EEF1G: variants seen among roughly 807,000 people sequenced by gnomAD.
EEF1G encodes elongation factor 1-gamma.
In EEF1G, 14 loss-of-function variants were observed where a neutral mutation model predicts 58.3. The ratio of observed to expected loss-of-function variants is 0.24; its 90% CI spans 0.16 to 0.38. EEF1G has a LOEUF of 0.38. EEF1G is among the 10% of genes least tolerant of loss of function. The pLI, the probability that EEF1G is intolerant of heterozygous loss-of-function variation, is 1.00. For synonymous variants in EEF1G, 180 were observed against 206.8 expected (o/e 0.87, Z 1.11); for missense variants, 322 against 550.1 (o/e 0.59, Z 4.15).
intron 7 of EEF1G, among the ~76,000 whole-genome samples, chr11:62,562,949 A>G (rs1941515364): frequency 6.6e-6 from 1 of 151,898 alleles, no homozygotes; most frequent in Non-Finnish European, 1.5e-5. Context: ...AAAAAAATTT[A>G]AAAATTAGCT....
chr11:62,573,871 T>G lies in EEF1G; in HGVS notation c.-29A>C. On this transcript the variant is annotated 5_prime_UTR_variant, in exon 1 of 10. Transcript: ENST00000329251. ...GATTCCGCAAAGAAAGGGGGTGGGG[T>G]TCTCGGCGCTGCCGCAAAGTAAGCC... 3.1e-6 allele frequency: 5 copies of G among 1,613,282 alleles called. No homozygotes were observed. The highest frequency in any genetic ancestry group is 3.4e-6 in the Non-Finnish European group (4 of 1,179,774).
intron 5 of EEF1G, among the ~76,000 whole-genome samples, chr11:62,568,387 CAAAAAAAAAAAAAAA>C (rs56838630): frequency 8.3e-5 from 5 of 60,162 alleles, no homozygotes; most frequent in Non-Finnish European, 1.6e-4. Flanking sequence ...GACTCTGTCT[CAAAAAAAAAAAAAAA>C]AAAAAAAAAT....
chr11:62,572,547 C>T (rs749593359), intron 2 of EEF1G, 37 bp downstream of exon 2: 2 of 1,610,186 alleles, frequency 1.2e-6, no homozygotes, highest in Admixed American at 1.7e-5. Flanking sequence ...GCCTTGGTTT[C>T]TCAGAACCGA....
At chr11:62,560,524 G>C (rs1941481742) in intron 7 of EEF1G, 70 bp from the exon 8 acceptor site, 1 of 1,502,810 alleles carries the variant, frequency 6.7e-7, no homozygotes, top group East Asian at 2.4e-5. Flanking sequence ...AGTGAAGGGT[G>C]CTTTCACTTA....
rs1453841335 is a variant in EEF1G at position 62,566,817 on chromosome 11, G to C, written c.846C>G (p.His282Gln). ...TCCAATATCCTTACCTCTTGGGCAG[G>C]TGAGCGAAGGGGTCCTTGGCCTTGG... ...AEPKAKDPFAHLPKSTFVLDE... is the reference protein window; with the variant it reads ...AEPKAKDPFAQLPKSTFVLDE... Residue 282 changes from histidine to glutamine, a missense_variant, in exon 7 of 10, where the codon CAC becomes CAG. Around this residue, in one of 3 missense-constraint regions of EEF1G, gnomAD observed 208 missense variants for 323.7 expected, o/e 0.64. Coordinates refer to ENST00000329251, the MANE Select transcript of EEF1G (RefSeq NM_001404.5). 6.2e-7 allele frequency: 1 copy of C among 1,613,370 alleles called. No homozygotes were observed. Among genetic ancestry groups the C allele is most frequent in the African/African-American group, 1.3e-5 (1 of 74,894 alleles).
intron 7 of EEF1G, among the ~76,000 whole-genome samples, chr11:62,566,257 A>G (rs1311289793): frequency 2.0e-5 from 3 of 152,150 alleles, no homozygotes; most frequent in Non-Finnish European, 2.9e-5. Flanking sequence ...ACTTTCTTCT[A>G]CTTGGGGACT....
Position 62,560,337 on chromosome 11 carries a change from C to T in EEF1G, c.975G>A (p.Glu325=). The T allele has an allele frequency of 1.2e-6, 2 of 1,610,580 alleles. No individual in the cohort carries two copies. Among genetic ancestry groups the T allele is most frequent in the Non-Finnish European group, 1.7e-6 (2 of 1,178,210 alleles). ...DKDGWSLWYS[E]YRFPEELTQT... ...GAGTGAGTTCTTCAGGGAAGCGATA[C>T]TCTGAGTACCACAGGGACCAGCCGT... The change falls in exon 8 of 10, where the codon GAG becomes GAA. Residue 325 remains glutamate (E), a synonymous_variant. Coordinates refer to ENST00000329251, the MANE Select transcript of EEF1G (RefSeq NM_001404.5).
rs1555043059 is a variant in EEF1G, at chr11:62,564,758, C to CAGA, written c.857+2047_857+2048insTCT. ...TGGGCGACAGAGCCAGACTCCATCT[C>CAGA]AAAAAAAAAAAAAAAAAAAAAAAAG... is the stretch of plus-strand genomic sequence containing the variant. On this transcript the variant is annotated intron_variant, in intron 7 of 9. Coordinates refer to ENST00000329251, the MANE Select transcript of EEF1G (RefSeq NM_001404.5). Among the ~76,000 whole-genome samples the CAGA allele has an allele frequency of 5.3e-5, 4 of 75,046 alleles. No individual in the cohort carries two copies. In the East Asian group the frequency reaches 3.2e-3, roughly 60 times the overall value. 49.2% of individuals were successfully genotyped at this position (75,046 alleles called of 152,430 possible). A position where few individuals can be genotyped will look rare whatever the true frequency, so the allele number is the denominator to read the frequency against.
Position 62,559,739 on chromosome 11 carries a change from G to C in EEF1G, c.1254C>G (p.Ser418=). Residue 418 remains serine (S), a synonymous_variant, in exon 10 of 10, where the codon TCC becomes TCG. Coordinates refer to ENST00000329251, the MANE Select transcript of EEF1G (RefSeq NM_001404.5). The part of the protein sequence containing the change: ...ETQTLVREYF[S]WEGAFQHVGK... ...CCACATGCTGGAAGGCCCCCTCCCAGGAAAAGTACTCTCGAACCAGCGTCT... is the reference window on the plus strand; with the variant it reads ...CCACATGCTGGAAGGCCCCCTCCCACGAAAAGTACTCTCGAACCAGCGTCT... 6.2e-7 allele frequency: 1 copy of C among 1,613,978 alleles called. No individual in the cohort carries two copies. Among genetic ancestry groups the C allele is most frequent in the African/African-American group, 1.3e-5 (1 of 75,032 alleles).
intron 7 of EEF1G, among the ~76,000 whole-genome samples, 181 bp downstream of exon 7, chr11:62,566,625 A>G (rs982337804): frequency 3.9e-4 from 60 of 152,240 alleles, no homozygotes; most frequent in African/African-American, 1.4e-3. Context: ...GCTCTCCACA[A>G]TCAAAATTTG....
At chr11:62,567,355 G>C in intron 6 of EEF1G, 44 bp downstream of exon 6, 1 of 1,573,266 alleles carries the variant, frequency 6.4e-7, no homozygotes, top group Non-Finnish European at 8.6e-7. Context: ...GAGCAAACCA[G>C]ACCCTGATCC....
At chr11:62,566,368 C>G (rs1941555529) in intron 7 of EEF1G, among the ~76,000 whole-genome samples, 1 of 152,198 alleles carries the variant, frequency 6.6e-6, no homozygotes, top group African/African-American at 2.4e-5. Flanking sequence ...TTCAGCAAAA[C>G]AGAAAACAAA....
intron 5 of EEF1G, among the ~76,000 whole-genome samples, chr11:62,569,821 T>C (rs80073436): frequency 0.05 from 7,531 of 151,912 alleles, 266 homozygotes; most frequent in Non-Finnish European, 0.077. Flanking sequence ...TTTCTTTTGC[T>C]ATGATCACAT....
chr11:62,571,496 A>G, intron 4 of EEF1G, 44 bp downstream of exon 4: 1 of 1,561,654 alleles, frequency 6.4e-7, no homozygotes, highest in South Asian at 1.2e-5. Context: ...CCAGGAGCTG[A>G]TGCCACCCCT....
chr11:62,568,712 C>G (rs1192568756), intron 5 of EEF1G, among the ~76,000 whole-genome samples: 2 of 152,088 alleles, frequency 1.3e-5, no homozygotes, highest in Non-Finnish European at 2.9e-5. Context: ...GTGGCTCACG[C>G]CTATAATCCC....
At position 62,567,379 on chromosome 11, in the gene EEF1G, C is replaced by T. The variant is rs1251910788; in HGVS notation, c.652+20G>A. On this transcript the variant is annotated intron_variant, in intron 6 of 9. Transcript: ENST00000329251. ...AGACCCTGATCCTGGCCATATGCCT[C>T]CCAGTCTCCTCAGACTCACCATCAA... 6 of 1,599,352 alleles carry T rather than the reference C, an allele frequency of 3.8e-6. No individual in the cohort carries two copies. The highest frequency in any genetic ancestry group is 5.1e-6 in the Non-Finnish European group (6 of 1,173,356).
chr11:62,572,488 A>G, intron 2 of EEF1G, 96 bp downstream of exon 2: 2 of 1,464,134 alleles, frequency 1.4e-6, no homozygotes, highest in Non-Finnish European at 1.9e-6. Context: ...CAACATGGGA[A>G]GCTCCCTTTT....
intron 2 of EEF1G, 51 bp from the exon 3 acceptor site, chr11:62,571,952 T>C: frequency 6.6e-7 from 1 of 1,516,128 alleles, no homozygotes; most frequent in Non-Finnish European, 9.0e-7. Context: ...AATTTCTTCC[T>C]AACCAATACC....
In EEF1G at chr11:62,566,816, G is replaced by A; in HGVS notation, c.847C>T (p.Leu283=). The A allele has an allele frequency of 1.2e-6, 2 of 1,613,516 alleles. No homozygotes were observed. Among genetic ancestry groups the A allele is most frequent in the Non-Finnish European group, 1.7e-6 (2 of 1,179,694 alleles). Residue 283 remains leucine, a synonymous_variant, in exon 7 of 10, where the codon CTG becomes TTG. Transcript: ENST00000329251. ...EPKAKDPFAH[L]PKSTFVLDEF... is the part of the protein sequence containing the mutation. The stretch of plus-strand genomic sequence containing the variant: ...CTCCAATATCCTTACCTCTTGGGCA[G>A]GTGAGCGAAGGGGTCCTTGGCCTTG...
Sources: gnomAD v4.1 joint callset for allele counts (sites outside exome capture counted in the v4.1 genomes callset) on GRCh38, gnomAD v4.1.1 for gene constraint, gnomAD v4.1.1 regional missense constraint, MANE v1.5 for transcripts, NCBI Gene and HGNC (gene_info 2026-07-23, HGNC 2026-07-21) for gene names.